Variants in PIK3R5 observed in about 807,000 individuals in gnomAD.
The protein encoded by PIK3R5 is phosphoinositide-3-kinase regulatory subunit 5, also known as phosphoinositide 3-kinase regulatory subunit 5.
In PIK3R5, 32 loss-of-function variants were observed where a neutral mutation model predicts 94.9. The ratio of observed to expected loss-of-function variants is 0.34; its 90% confidence interval spans 0.25 to 0.45. The LOEUF (loss-of-function observed/expected upper bound fraction) is 0.45. PIK3R5 is among the 20% of genes least tolerant of loss of function. The pLI is 1.00. For synonymous variants in PIK3R5, 443 were observed against 479.4 expected (o/e 0.92, Z 0.99); for missense variants, 853 against 1,144.6 (o/e 0.75, Z 3.68).
intron 5 of PIK3R5, among the ~76,000 whole-genome samples, chr17:8,901,150 G>A (rs1749217320): frequency 1.3e-5 from 2 of 152,172 alleles, no homozygotes; most frequent in Non-Finnish European, 2.9e-5. Context: ...AGGGAATGAA[G>A]GAGTTTGACC....
chr17:8,880,809 G>C (rs1241378069), intron 18 of PIK3R5, 23 bp from the exon 19 acceptor site: 1 of 1,612,842 alleles, frequency 6.2e-7, no homozygotes, highest in Non-Finnish European at 8.5e-7. Flanking sequence ...GCAGGGGCCA[G>C]GGATCAGAGC....
intron 1 of PIK3R5, among the ~76,000 whole-genome samples, chr17:8,942,524 G>C (rs537877717): frequency 1.3e-5 from 2 of 152,308 alleles, no homozygotes; most frequent in East Asian, 1.9e-4. Context: ...TCTGCAGGAG[G>C]GGGTGAGGTG....
At position 8,893,724 on chromosome 17, in the gene PIK3R5, G is replaced by A; in HGVS notation, c.413-69C>T. ...TCAGCATCGTCCGTGTGCCTCGTGG[G>A]GAGCCAAGCACTGGACAATCAGGTT... On this transcript the variant is annotated intron_variant, in intron 5 of 18. Coordinates refer to ENST00000447110, the MANE Select transcript of PIK3R5 (RefSeq NM_001142633.3). The surrounding 1 kb of genome is among the most constrained non-coding windows in gnomAD (Gnocchi z 5.1). 1 of 1,217,280 alleles carries A rather than the reference G, an allele frequency of 8.2e-7. No homozygotes were observed. Among genetic ancestry groups the A allele is most frequent in the Non-Finnish European group, 1.2e-6 (1 of 823,180 alleles). 75.4% of individuals were successfully genotyped at this position (1,217,280 alleles called of 1,614,324 possible). A position where few individuals can be genotyped will look rare whatever the true frequency, so the allele number is the denominator to read the frequency against.
intron 1 of PIK3R5, among the ~76,000 whole-genome samples, chr17:8,922,039 T>A (rs923116204): frequency 6.6e-6 from 1 of 152,136 alleles, no homozygotes; most frequent in Non-Finnish European, 1.5e-5. Flanking sequence ...GGCTACCATC[T>A]TGAATATATA....
rs1269486945 is a variant in PIK3R5, at chr17:8,955,991, CA to C, written c.-14+9604del. ...GCAACATAGTGAGACCCTGTCTCTACAAAAAACACACACAAAAAATTAGCTG... is the reference window on the plus strand; with the variant it reads ...GCAACATAGTGAGACCCTGTCTCTACAAAAACACACACAAAAAATTAGCTG... On this transcript the variant is annotated intron_variant, in intron 1 of 18. Coordinates refer to ENST00000447110, the MANE Select transcript of PIK3R5 (RefSeq NM_001142633.3). The surrounding 1 kb of genome is among the most constrained non-coding windows in gnomAD (Gnocchi z 4.4). Among the ~76,000 whole-genome samples, 1 of 151,912 alleles carries C rather than the reference CA, an allele frequency of 6.6e-6. No homozygotes were observed. Among genetic ancestry groups the C allele is most frequent in the East Asian group, 1.9e-4 (1 of 5,174 alleles).
At chr17:8,919,438 G>A (rs78039031) in intron 1 of PIK3R5, among the ~76,000 whole-genome samples, 1 of 152,212 alleles carries the variant, frequency 6.6e-6, no homozygotes, top group Non-Finnish European at 1.5e-5. Context: ...CTAGCGCAAG[G>A]CTGGCTGCCT....
intron 14 of PIK3R5, among the ~76,000 whole-genome samples, chr17:8,885,396 G>A (rs1320351335): frequency 9.9e-5 from 12 of 121,386 alleles, no homozygotes; most frequent in Middle Eastern, 5.8e-3. Context: ...TGCCTCCCCA[G>A]GGCCCCACCT....
intron 1 of PIK3R5, among the ~76,000 whole-genome samples, chr17:8,922,247 G>A (rs1009280411): frequency 2.6e-5 from 4 of 151,874 alleles, no homozygotes; most frequent in East Asian, 3.9e-4. Flanking sequence ...TATGTTGGGC[G>A]CTTTCACTTA....
At position 8,881,445 on chromosome 17, in the gene PIK3R5, C is replaced by A. The variant is rs940140995; in HGVS notation, c.2382+185G>T. On this transcript the variant is annotated intron_variant, in intron 17 of 18. Coordinates refer to ENST00000447110, the MANE Select transcript of PIK3R5 (RefSeq NM_001142633.3). The surrounding 1 kb of genome is among the most constrained non-coding windows in gnomAD (Gnocchi z 4.8). ...ACCTGTGTGCATCCCCAAATCATAC[C>A]CCTCACCCTGCCTCTCCTCCCCCAC... Among the ~76,000 whole-genome samples the A allele has an allele frequency of 2.0e-5, 3 of 152,046 alleles. No homozygotes were observed. The highest frequency in any genetic ancestry group is 7.2e-5 in the African/African-American group (3 of 41,386).
chr17:8,880,377 C>G lies in PIK3R5; in HGVS notation c.*262G>C, dbSNP rs1042398671. ...GCTAATGGTCAGGGACTTCAGAGGTCAATTTACCCATCCTTCTCCTTCTAC... is the reference window on the plus strand; with the variant it reads ...GCTAATGGTCAGGGACTTCAGAGGTGAATTTACCCATCCTTCTCCTTCTAC... On this transcript the variant is annotated 3_prime_UTR_variant, in exon 19 of 19. Coordinates refer to ENST00000447110, the MANE Select transcript of PIK3R5 (RefSeq NM_001142633.3). 10 of 387,596 alleles carry G rather than the reference C, an allele frequency of 2.6e-5. No individual in the cohort carries two copies. Among genetic ancestry groups the G allele is most frequent in the Non-Finnish European group, 4.6e-5 (10 of 217,194 alleles). The allele number at this position is 387,596 out of a possible 1,614,324, so 24.0% of individuals were successfully genotyped here.
intron 14 of PIK3R5, among the ~76,000 whole-genome samples, chr17:8,886,027 C>A (rs1295911952): frequency 6.6e-6 from 1 of 151,342 alleles, no homozygotes; most frequent in African/African-American, 2.4e-5. Flanking sequence ...CGTATCCCTG[C>A]CTCCCCAGGG....
chr17:8,886,179 C>A, intron 14 of PIK3R5, 50 bp downstream of exon 14: 2 of 1,422,706 alleles, frequency 1.4e-6, no homozygotes, highest in Non-Finnish European at 9.9e-7. Flanking sequence ...CTCCACGTTT[C>A]GCGTCCCAGG....
At chr17:8,900,586 G>A (rs1397925499) in intron 5 of PIK3R5, among the ~76,000 whole-genome samples, 8 of 152,198 alleles carry the variant, frequency 5.3e-5, no homozygotes, top group Admixed American at 3.3e-4. Flanking sequence ...GTCCCGGGAA[G>A]GATGTGGAGG....
chr17:8,895,140 G>C (rs1055001349), intron 5 of PIK3R5, among the ~76,000 whole-genome samples: 9 of 152,124 alleles, frequency 5.9e-5, no homozygotes, highest in African/African-American at 1.9e-4. Flanking sequence ...CCACTCACGT[G>C]CATTACAGAG....
intron 1 of PIK3R5, among the ~76,000 whole-genome samples, chr17:8,927,933 T>C (rs1256869523): frequency 6.6e-6 from 1 of 152,146 alleles, no homozygotes; most frequent in Non-Finnish European, 1.5e-5. Context: ...ACCATGTGAT[T>C]TCTTCACACC....
chr17:8,928,847 A>G (rs747205689), intron 1 of PIK3R5, among the ~76,000 whole-genome samples: 1 of 152,244 alleles, frequency 6.6e-6, no homozygotes, highest in Non-Finnish European at 1.5e-5. Context: ...ATCTGGGTAA[A>G]TACAATAGAT....
intron 1 of PIK3R5, among the ~76,000 whole-genome samples, chr17:8,920,008 C>T (rs1315720899): frequency 4.6e-5 from 7 of 151,084 alleles, no homozygotes; most frequent in Admixed American, 4.0e-4. Context: ...TCTTGCCTCC[C>T]GAGTAGCTGA....
intron 1 of PIK3R5, among the ~76,000 whole-genome samples, chr17:8,956,631 A>G (rs2091470868): frequency 1.3e-5 from 2 of 152,196 alleles, no homozygotes; most frequent in Non-Finnish European, 2.9e-5. Context: ...CTTAAGCACA[A>G]TAACAGGCCA....
chr17:8,885,297 A>C (rs2089793506), intron 14 of PIK3R5, among the ~76,000 whole-genome samples: 1 of 135,120 alleles, frequency 7.4e-6, no homozygotes, highest in African/African-American at 2.9e-5. Flanking sequence ...CCGCCTCCCC[A>C]TGGCCTTGCC....
Sources: gnomAD v4.1 joint callset for allele counts (sites outside exome capture counted in the v4.1 genomes callset) on GRCh38, gnomAD v4.1.1 for gene constraint, Gnocchi (gnomAD v3.1) non-coding constraint, MANE v1.5 for transcripts, NCBI Gene and HGNC (gene_info 2026-07-23, HGNC 2026-07-21) for gene names.